Variants in PTPRZ1 observed in about 807,000 individuals in gnomAD.
PTPRZ1 encodes the protein protein tyrosine phosphatase receptor type Z1, also known as receptor-type tyrosine-protein phosphatase zeta.
A neutral mutation model predicts 214.1 loss-of-function variants in PTPRZ1; 82 were observed. The observed-to-expected ratio is 0.38, with a 90% CI of 0.32 to 0.46. The LOEUF is 0.46. Ranked by LOEUF, PTPRZ1 falls within the 20% of genes least tolerant of loss-of-function variation. The probability of loss-of-function intolerance (pLI) is 1.00; values close to 1 mark genes in which losing one functional copy is unlikely to be tolerated. For missense variants in PTPRZ1, 2,603 were observed against 2,748.7 expected (o/e 0.95, Z 1.19); for synonymous variants, 945 against 987.9 (o/e 0.96, Z 0.81).
intron 4 of PTPRZ1, 33 bp from the exon 5 acceptor site, chr7:121,976,132 AGTCTTTGT>A (rs1797426024): frequency 1.5e-6 from 2 of 1,322,158 alleles, no homozygotes; most frequent in Non-Finnish European, 2.1e-6. Flanking sequence ...ATTTTTATGA[AGTCTTTGT>A]GTATCATAAA....
At chr7:122,055,119 A>C (rs1280709427) in intron 27 of PTPRZ1, 32 bp downstream of exon 27, 1 of 1,462,230 alleles carries the variant, frequency 6.8e-7, no homozygotes, top group South Asian at 1.3e-5. Flanking sequence ...CAAACTTTTT[A>C]TCTTAAACAC....
At chr7:121,900,284 A>G (rs942262546) in intron 1 of PTPRZ1, among the ~76,000 whole-genome samples, 1 of 152,198 alleles carries the variant, frequency 6.6e-6, no homozygotes, top group African/African-American at 2.4e-5. Context: ...TGCTCAACCC[A>G]GGAGAGGCCG....
At chr7:121,887,961 C>G (rs1401325389) in intron 1 of PTPRZ1, among the ~76,000 whole-genome samples, 1 of 152,040 alleles carries the variant, frequency 6.6e-6, no homozygotes, top group Admixed American at 6.6e-5. Context: ...TATGTGAGAT[C>G]CTGTTTGATT....
Position 122,013,378 on chromosome 7 carries a change from A to T in PTPRZ1, c.4332A>T (p.Ser1444=). The T allele has an allele frequency of 6.2e-7, 1 of 1,614,180 alleles. No homozygotes were observed. Among genetic ancestry groups the T allele is most frequent in the Non-Finnish European group, 8.5e-7 (1 of 1,180,036 alleles). The change falls in exon 12 of 30, where the codon TCA becomes TCT. Residue 1444 remains serine (S), a synonymous_variant. Transcript: ENST00000393386. ...GCTTATCCATTCATAAGTGTATGTC[A>T]TGCTCATCCTATAGAGAATCACAGG... is the stretch of plus-strand genomic sequence containing the variant. ...SDGLSIHKCM[S]CSSYRESQEK...
At chr7:122,030,506 C>T (rs1275515942) in intron 14 of PTPRZ1, among the ~76,000 whole-genome samples, 1 of 151,960 alleles carries the variant, frequency 6.6e-6, no homozygotes, top group Non-Finnish European at 1.5e-5. Flanking sequence ...AGAATTACAC[C>T]TTTGTCTAGT....
chr7:122,010,173 G>A (rs1052451607), intron 11 of PTPRZ1, among the ~76,000 whole-genome samples, 161 bp from the exon 12 acceptor site: 38 of 152,172 alleles, frequency 2.5e-4, no homozygotes, highest in African/African-American at 8.2e-4. Context: ...AGAGCGGATG[G>A]TAAAGGTTGT....
In PTPRZ1 at chr7:122,012,309, C is replaced by A; in HGVS notation, c.3263C>A (p.Thr1088Asn). Residue 1088 changes from threonine (T) to asparagine (N), a missense_variant, in exon 12 of 30, where the codon ACC (threonine) becomes AAC (asparagine). Transcript: ENST00000393386. The part of the protein sequence containing the change: ...VNKLNASLQE[T>N]SVSISSTKGM... ...AAGTTGAATGCGTCTTTACAAGAAA[C>A]CTCTGTTTCCATTTCTAGCACCAAG... 1.2e-6 allele frequency: 2 copies of A among 1,614,066 alleles called. No individual in the cohort carries two copies. The highest frequency in any genetic ancestry group is 1.3e-5 in the African/African-American group (1 of 75,036).
chr7:121,986,957 T>C (rs1260280415), intron 8 of PTPRZ1, among the ~76,000 whole-genome samples: 3 of 152,160 alleles, frequency 2.0e-5, no homozygotes, highest in Non-Finnish European at 4.4e-5. Flanking sequence ...ACTAAATATT[T>C]ATGGAGTGAT....
At position 121,964,964 on chromosome 7, in the gene PTPRZ1, A is replaced by T. The variant is rs567599213; in HGVS notation, c.125-2987A>T. 2.0e-5 allele frequency among the ~76,000 whole-genome samples: 3 copies of T among 152,328 alleles called. No individual in the cohort carries two copies. In the East Asian group the frequency reaches 5.8e-4, roughly 29 times the overall value. ...GAGCAGAGAGGACATGAGCGGGGAC[A>T]TCATATAGGATCTGTTGGCCATAAC... On this transcript the variant is annotated intron_variant, in intron 2 of 29. Coordinates refer to ENST00000393386, the MANE Select transcript of PTPRZ1 (RefSeq NM_002851.3).
intron 8 of PTPRZ1, among the ~76,000 whole-genome samples, chr7:121,985,239 A>G (rs1797731482): frequency 6.6e-6 from 1 of 152,214 alleles, no homozygotes; most frequent in African/African-American, 2.4e-5. Flanking sequence ...ACTAAATACT[A>G]TAGCATACTG....
At chr7:122,000,185 T>C (rs952892790) in intron 10 of PTPRZ1, among the ~76,000 whole-genome samples, 2 of 152,214 alleles carry the variant, frequency 1.3e-5, no homozygotes, top group African/African-American at 2.4e-5. Flanking sequence ...TATCCTATTT[T>C]TTATAAAGAA....
intron 14 of PTPRZ1, among the ~76,000 whole-genome samples, 193 bp from the exon 15 acceptor site, chr7:122,031,281 G>A (rs921411935): frequency 2.0e-5 from 3 of 152,002 alleles, no homozygotes; most frequent in Non-Finnish European, 2.9e-5. Flanking sequence ...GAACAAATCA[G>A]ATTTCTGAAA....
intron 28 of PTPRZ1, chr7:122,059,257 A>G (rs192353868): frequency 5.9e-5 from 11 of 187,862 alleles, no homozygotes; most frequent in Non-Finnish European, 1.1e-4. Flanking sequence ...AGGCATTTTC[A>G]GTCATTGATT....
rs200989122 is a variant in PTPRZ1, at chr7:122,061,161, A to G, written c.6889A>G (p.Ser2297Gly). 8.1e-6 allele frequency: 13 copies of G among 1,610,942 alleles called. No homozygotes were observed. Among genetic ancestry groups the G allele is most frequent in the Admixed American group, 1.7e-5 (1 of 59,828 alleles). ...AGAGAATCCATCCACCTCTCTGGAC[A>G]GTAATGGTGCAGCATTGCCTGATGG... ...QEENPSTSLDSNGAALPDGNI... is the reference protein window; with the variant it reads ...QEENPSTSLDGNGAALPDGNI... The change falls in exon 30 of 30, where the codon AGT (serine) becomes GGT (glycine). Residue 2297 changes from serine to glycine, a missense_variant. By Grantham distance (56) the Ser-to-Gly change is moderately conservative (BLOSUM62 0). This residue lies in a region of PTPRZ1 where 165 missense variants were observed against 151.4 expected (regional missense o/e 1.09). Transcript: ENST00000393386.
intron 12 of PTPRZ1, among the ~76,000 whole-genome samples, chr7:122,015,214 A>G (rs917406418): frequency 6.6e-6 from 1 of 152,170 alleles, no homozygotes; most frequent in African/African-American, 2.4e-5. Flanking sequence ...ATGTGAACGT[A>G]TCTTAAAGTT....
chr7:121,902,656 GTCT>G (rs1481530640), intron 1 of PTPRZ1, among the ~76,000 whole-genome samples: 1 of 151,922 alleles, frequency 6.6e-6, no homozygotes, highest in African/African-American at 2.4e-5. Flanking sequence ...CCATTTGTAT[GTCT>G]TCTTTTGAGA....
chr7:122,031,670 G>A, intron 15 of PTPRZ1, 111 bp downstream of exon 15: 1 of 649,340 alleles, frequency 1.5e-6, no homozygotes, highest in Non-Finnish European at 2.6e-6. Context: ...TGCACTTCTA[G>A]TAAAAATATG....
chr7:122,026,695 A>T (rs1050934007), intron 13 of PTPRZ1, among the ~76,000 whole-genome samples: 1 of 152,184 alleles, frequency 6.6e-6, no homozygotes, highest in African/African-American at 2.4e-5. Context: ...TCTCTTGAAG[A>T]TATTTCTGTG....
chr7:121,968,818 T>G (rs1241452730), intron 3 of PTPRZ1, among the ~76,000 whole-genome samples: 1 of 152,124 alleles, frequency 6.6e-6, no homozygotes, highest in East Asian at 1.9e-4. Context: ...AGACAAAGAT[T>G]AGAAAAATAT....
Sources: allele counts gnomAD v4.1 joint callset (sites outside exome capture counted in the v4.1 genomes callset), GRCh38; gene constraint gnomAD v4.1.1; regional missense constraint gnomAD v4.1.1; transcripts MANE v1.5; gene names NCBI Gene and HGNC (gene_info 2026-07-23, HGNC 2026-07-21).